COMMD1: variants seen among roughly 807,000 people sequenced by gnomAD.
COMMD1 encodes copper metabolism domain containing 1.
In COMMD1, 10 loss-of-function variants were observed where a neutral mutation model predicts 17.2. The observed-to-expected ratio is 0.58, with a 90% CI of 0.36 to 0.99. COMMD1 has a LOEUF of 0.99. Ranked by LOEUF, COMMD1 falls within the 50% of genes least tolerant of loss-of-function variation. The pLI, the probability that COMMD1 is intolerant of heterozygous loss-of-function variation, is 0.01. For synonymous variants in COMMD1, 97 were observed against 91.6 expected (o/e 1.06, Z -0.34); for missense variants, 270 against 231.8 (o/e 1.17, Z -1.07).
chr2:61,982,754 A>G (rs1228452690), intron 1 of COMMD1, among the ~76,000 whole-genome samples: 1 of 152,018 alleles, frequency 6.6e-6, no homozygotes, highest in African/African-American at 2.4e-5. Context: ...GTTGAATTTT[A>G]TCAAATGTCT....
At chr2:61,996,096 G>A (rs948699900) in intron 1 of COMMD1, among the ~76,000 whole-genome samples, 1 of 152,048 alleles carries the variant, frequency 6.6e-6, no homozygotes, top group Non-Finnish European at 1.5e-5. Flanking sequence ...TATTCAAGAG[G>A]CTGAAGTCAG....
rs1406630106 is a variant in COMMD1, at chr2:62,135,870, G to A, written c.502G>A (p.Val168Ile). 1 of 1,601,836 alleles carries A rather than the reference G, an allele frequency of 6.2e-7. No homozygotes were observed. Among genetic ancestry groups the A allele is most frequent in the Admixed American group, 1.7e-5 (1 of 60,000 alleles). Residue 168 changes from valine to isoleucine, a missense_variant, in exon 3 of 3, where the codon GTC becomes ATC. Physicochemically the swap from Val to Ile is conservative, Grantham distance 29 (BLOSUM62 3). Coordinates refer to ENST00000311832, the MANE Select transcript of COMMD1 (RefSeq NM_152516.4). ...FLCLEFDEVK[V>I]NQILKTLSEV... ...GTGTTTGGAATTTGATGAGGTCAAA[G>A]TCAACCAAATTCTGAAGACGCTGTC... is the stretch of plus-strand genomic sequence containing the variant.
At chr2:62,015,419 A>C (rs1459303446) in intron 2 of COMMD1, among the ~76,000 whole-genome samples, 1 of 152,164 alleles carries the variant, frequency 6.6e-6, no homozygotes, top group South Asian at 2.1e-4. Flanking sequence ...TTATCCATTT[A>C]TCTGTTGATG....
intron 2 of COMMD1, among the ~76,000 whole-genome samples, chr2:62,129,461 T>C (rs1672967320): frequency 6.6e-6 from 1 of 152,020 alleles, no homozygotes; most frequent in Non-Finnish European, 1.5e-5. Context: ...AGGAAGGAAG[T>C]TGGGTGATCT....
Position 61,906,438 on chromosome 2 carries a change from T to C in COMMD1, c.180+580T>C, listed in dbSNP as rs559319464. On this transcript the variant is annotated intron_variant, in intron 1 of 2. Transcript: ENST00000311832. ...TTAATCCAGAATAGCCAAAGTATTA[T>C]CACTTCACATGTAATCAATATACAG... Among the ~76,000 whole-genome samples the C allele has an allele frequency of 4.0e-4, 61 of 152,388 alleles. 1 individual carries two copies. The South Asian group carries it at 0.013, about 32-fold the overall frequency.
rs556254149 is a variant in COMMD1, at chr2:61,975,472, T to C, written c.181-25229T>C. Among the ~76,000 whole-genome samples, 238 of 152,288 alleles carry C rather than the reference T, an allele frequency of 1.6e-3. 1 individual carries two copies. The highest frequency in any genetic ancestry group is 5.5e-3 in the African/African-American group (229 of 41,556). ...GTTTTATCCAAAGTGGCTATTCCAT[T>C]TTCCACTCCCACCAGCAGTGGATGA... On this transcript the variant is annotated intron_variant, in intron 1 of 2. Transcript: ENST00000311832.
intron 1 of COMMD1, among the ~76,000 whole-genome samples, chr2:61,999,930 CT>C (rs113297946): frequency 0.13 from 17,491 of 139,468 alleles, 1,444 homozygotes; most frequent in African/African-American, 0.31. Context: ...CCCCCACCCA[CT>C]TTTTTTTTTT....
At chr2:61,937,870 C>T (rs746228857) in intron 1 of COMMD1, among the ~76,000 whole-genome samples, 2 of 152,216 alleles carry the variant, frequency 1.3e-5, no homozygotes, top group Non-Finnish European at 2.9e-5. Flanking sequence ...CTTCTTTTAC[C>T]AGTTGTTCAG....
chr2:61,908,416 G>C (rs1669825393), intron 1 of COMMD1, among the ~76,000 whole-genome samples: 1 of 151,466 alleles, frequency 6.6e-6, no homozygotes, highest in African/African-American at 2.4e-5. Flanking sequence ...TTGGAGAGAT[G>C]GGGTTTCACC....
intron 1 of COMMD1, among the ~76,000 whole-genome samples, chr2:61,987,496 G>T (rs972540856): frequency 2.0e-5 from 3 of 152,146 alleles, no homozygotes; most frequent in Non-Finnish European, 4.4e-5. Context: ...TCTATTGCCA[G>T]GCAGAGACTC....
chr2:62,015,894 G>A (rs1172296917), intron 2 of COMMD1, among the ~76,000 whole-genome samples: 1 of 151,862 alleles, frequency 6.6e-6, no homozygotes, highest in Non-Finnish European at 1.5e-5. Flanking sequence ...GTGCAGTGGT[G>A]CAATCTTGGC....
At chr2:62,113,584 A>G (rs2104051594) in intron 2 of COMMD1, among the ~76,000 whole-genome samples, 1 of 152,198 alleles carries the variant, frequency 6.6e-6, no homozygotes, top group Non-Finnish European at 1.5e-5. Context: ...GGGTTTCACC[A>G]TGTTGGCCAG....
intron 2 of COMMD1, among the ~76,000 whole-genome samples, chr2:62,106,399 G>A (rs1434120454): frequency 6.6e-6 from 1 of 152,156 alleles, no homozygotes; most frequent in Non-Finnish European, 1.5e-5. Flanking sequence ...CTGAACTACA[G>A]CAAAAGATAT....
chr2:62,014,697 G>T (rs1274682627), intron 2 of COMMD1, among the ~76,000 whole-genome samples: 1 of 150,974 alleles, frequency 6.6e-6, no homozygotes, highest in Admixed American at 6.6e-5. Flanking sequence ...GAGTAGCTGG[G>T]ACTACAGGTG....
chr2:62,074,883 G>GTTT (rs570489051), intron 2 of COMMD1, among the ~76,000 whole-genome samples: 220 of 110,414 alleles, frequency 2.0e-3, no homozygotes, highest in African/African-American at 3.2e-3. Context: ...TGTTTGTGTG[G>GTTT]TTTTTTTTTT....
chr2:61,983,635 G>T (rs1227256859), intron 1 of COMMD1, among the ~76,000 whole-genome samples: 1 of 152,160 alleles, frequency 6.6e-6, no homozygotes, highest in East Asian at 1.9e-4. Context: ...TTGGCATATA[G>T]TTGTTCATGG....
At chr2:61,952,144 G>A (rs1201740912) in intron 1 of COMMD1, among the ~76,000 whole-genome samples, 1 of 152,130 alleles carries the variant, frequency 6.6e-6, no homozygotes, top group African/African-American at 2.4e-5. Flanking sequence ...CTGGGTATAG[G>A]CCAAGCTCAT....
At chr2:62,012,978 G>A (rs958258290) in intron 2 of COMMD1, among the ~76,000 whole-genome samples, 22 of 152,118 alleles carry the variant, frequency 1.4e-4, no homozygotes, top group Non-Finnish European at 1.3e-4. Flanking sequence ...TACAGGCAGA[G>A]GGAGCAACCA....
chr2:61,996,389 G>C (rs374288418), intron 1 of COMMD1, among the ~76,000 whole-genome samples: 1 of 151,658 alleles, frequency 6.6e-6, no homozygotes, highest in East Asian at 1.9e-4. Context: ...CTTGATGTCA[G>C]TGGCTGCTTA....
Sources: gnomAD v4.1 joint callset for allele counts (sites outside exome capture counted in the v4.1 genomes callset) on GRCh38, gnomAD v4.1.1 for gene constraint, MANE v1.5 for transcripts, NCBI Gene and HGNC (gene_info 2026-07-23, HGNC 2026-07-21) for gene names.